The following COL6A5 variants were observed in gnomAD, a reference collection of about 807,000 sequenced individuals.
The protein encoded by COL6A5 is collagen type VI alpha 5 chain, also known as collagen alpha-5(VI) chain.
In COL6A5, 48 loss-of-function variants were observed where a neutral mutation model predicts 65.6. The observed-to-expected ratio is 0.73, with a 90% CI of 0.58 to 0.93. COL6A5 has a LOEUF of 0.93. Ranked by LOEUF, COL6A5 falls within the 40% of genes least tolerant of loss-of-function variation. COL6A5 has a pLI of 0.00. For missense variants in COL6A5, 914 were observed against 928.3 expected, an observed-to-expected ratio of 0.98 and a Z score of 0.20; for synonymous variants, 291 against 322.8, an observed-to-expected ratio of 0.90 and a Z score of 1.05.
rs898907269 is a variant in COL6A5, at chr3:130,418,855, G to A, written c.4888-14G>A. The A allele has an allele frequency of 3.9e-6, 6 of 1,548,858 alleles. No homozygotes were observed. Among genetic ancestry groups the A allele is most frequent in the Admixed American group, 2.0e-5 (1 of 50,942 alleles). On this transcript the variant is annotated splice_polypyrimidine_tract_variant and intron_variant and NMD_transcript_variant, in intron 24 of 41. Transcript: ENST00000312481. ...ATTTTACTGATCTGAAGCTCTTCTT[G>A]TCCCACTTACTAGGGAGAGCCTGGA...
chr3:130,387,505 A>G (rs1317433526), intron 5 of COL6A5, among the ~76,000 whole-genome samples: 4 of 152,090 alleles, frequency 2.6e-5, no homozygotes, highest in East Asian at 3.9e-4. Flanking sequence ...CAAGGCCACA[A>G]ACATCTTCAG....
intron 1 of COL6A5, among the ~76,000 whole-genome samples, chr3:130,362,316 ATATATATATATTTTTTTT>A (rs1253274094): frequency 0.025 from 412 of 16,380 alleles, 12 homozygotes; most frequent in Non-Finnish European, 0.031. Context: ...ATATATATAT[ATATATATATATTTTTTTT>A]TTTTTTTTTT....
At chr3:130,464,629 C>G (rs147778725) in intron 5 of COL6A5, among the ~76,000 whole-genome samples, 3 of 152,156 alleles carry the variant, frequency 2.0e-5, no homozygotes, top group African/African-American at 7.2e-5. Context: ...CACACTATGG[C>G]TGAGAACTCT....
intron 4 of COL6A5, among the ~76,000 whole-genome samples, chr3:130,446,659 G>A (rs537866578): frequency 1.3e-5 from 2 of 152,084 alleles, no homozygotes; most frequent in Admixed American, 6.5e-5. Flanking sequence ...TGACACAGAC[G>A]TCTTTTCTCT....
chr3:130,401,555 C>T (rs1936817561), intron 11 of COL6A5, among the ~76,000 whole-genome samples: 1 of 152,206 alleles, frequency 6.6e-6, no homozygotes. Context: ...AGATCATTTC[C>T]TCTGGAGAGG....
Position 130,395,079 on chromosome 3 carries a change from ACT to A in COL6A5, c.3187_3188del (p.Leu1063AspfsTer2), listed in dbSNP as rs1478209911. On this transcript the variant is annotated frameshift_variant and NMD_transcript_variant, in exon 8 of 42. Transcript: ENST00000312481. The stretch of plus-strand genomic sequence containing the variant: ...TACCAGAGTATTATTGAGTTGAAAA[ACT>A]CTCTGACTAAAACCCAGTGGAAGAC... 11 of 1,551,192 alleles carry A rather than the reference ACT, an allele frequency of 7.1e-6. No homozygotes were observed. The South Asian group carries it at 1.1e-4, about 15-fold the overall frequency.
exon 8 of COL6A5, chr3:130,484,294 TG>T: frequency 1.9e-6 from 1 of 522,346 alleles, no homozygotes; most frequent in Non-Finnish European, 3.4e-6. Context: ...TCCTGAGAAC[TG>T]GGGAAACCGA....
At chr3:130,418,840 T>C in intron 24 of COL6A5, 29 bp from the exon 25 acceptor site, 1 of 1,538,394 alleles carries the variant, frequency 6.5e-7, no homozygotes, top group Non-Finnish European at 8.8e-7. Context: ...ATTTTACTGA[T>C]CTGAAGCTCT....
chr3:130,365,141 G>T (rs1935285922), intron 1 of COL6A5, among the ~76,000 whole-genome samples: 1 of 152,212 alleles, frequency 6.6e-6, no homozygotes, highest in Non-Finnish European at 1.5e-5. Flanking sequence ...CCTAAGCCAG[G>T]TGTACTTTCC....
intron 4 of COL6A5, among the ~76,000 whole-genome samples, chr3:130,450,247 C>G (rs143508563): frequency 9.2e-4 from 140 of 152,230 alleles, no homozygotes; most frequent in Non-Finnish European, 1.0e-4. Flanking sequence ...CCCCGTTTCC[C>G]TGGTGTTGTG....
rs1366486224 is a variant in COL6A5 at position 130,388,939 on chromosome 3, C to T, written c.2221C>T (p.Gln741Ter). ...CATCCTCATCACAGATGGAGTAGCG[C>T]AGGATGATGTGAGAGATCCTGCTAG... The change falls in exon 6 of 42, where the codon CAG (glutamine) becomes TAG (stop). Residue 741 changes from glutamine to a stop codon, truncating the protein, a stop_gained and NMD_transcript_variant. Transcript: ENST00000312481. 3.2e-6 allele frequency: 5 copies of T among 1,547,812 alleles called. No homozygotes were observed. In the Admixed American group the frequency reaches 7.9e-5, roughly 25 times the overall value.
At chr3:130,410,600 G>T in intron 20 of COL6A5, 76 bp downstream of exon 20, 1 of 1,262,518 alleles carries the variant, frequency 7.9e-7, no homozygotes, top group Non-Finnish European at 1.1e-6. Context: ...TATTTGTTGT[G>T]CACAGTTGGC....
chr3:130,479,733 T>C (rs1710190551), intron 7 of COL6A5, among the ~76,000 whole-genome samples: 1 of 152,082 alleles, frequency 6.6e-6, no homozygotes, highest in African/African-American at 2.4e-5. Context: ...GAAAAGATGA[T>C]TAAAATATTT....
At chr3:130,401,488 T>A (rs955201758) in intron 11 of COL6A5, among the ~76,000 whole-genome samples, 1 of 152,134 alleles carries the variant, frequency 6.6e-6, no homozygotes, top group Non-Finnish European at 1.5e-5. Context: ...AACCAACAAG[T>A]CTTAGGCAAA....
At chr3:130,378,028 C>T (rs1258741722) in intron 3 of COL6A5, among the ~76,000 whole-genome samples, 1 of 152,144 alleles carries the variant, frequency 6.6e-6, no homozygotes, top group Admixed American at 6.6e-5. Flanking sequence ...TAAGAACTCA[C>T]AGATGGGTAA....
In COL6A5 at chr3:130,440,193, G is replaced by A. The variant is rs745951644; in HGVS notation, c.611G>A (p.Arg204Gln). ...AAATGTTTTCCAAATGCTTGCATTC[G>A]AGAGGCTTTCTTACCTGAAGATTCA... Residue 204 changes from arginine (R) to glutamine (Q), a missense_variant, in exon 3 of 8, where the codon CGA (arginine) becomes CAA (glutamine). Arg to Gln is a conservative substitution (Grantham distance 43, BLOSUM62 1). Coordinates refer to ENST00000512836, the Ensembl canonical transcript of COL6A5. 1.7e-5 allele frequency: 28 copies of A among 1,611,910 alleles called. No homozygotes were observed. In the South Asian group the frequency reaches 2.2e-4, roughly 13 times the overall value.
rs199982553 is a variant in COL6A5, at chr3:130,406,000, A to G, written c.4361A>G (p.Lys1454Arg). The change falls in exon 15 of 42, where the codon AAA becomes AGA. Residue 1454 changes from lysine to arginine, a missense_variant and NMD_transcript_variant. Physicochemically the swap from Lys to Arg is conservative, Grantham distance 26. Coordinates refer to the COL6A5 transcript ENST00000312481. ...ATATTTCATCTTTTGCAGGGACTCA[A>G]AGGATTTTCTGGACCTAAGGTACTG... 620 of 1,551,348 alleles carry G rather than the reference A, an allele frequency of 4.0e-4. No homozygotes were observed. The highest frequency in any genetic ancestry group is 5.2e-4 in the Non-Finnish European group (591 of 1,146,814).
At chr3:130,398,640 T>A (rs1468297388) in intron 10 of COL6A5, among the ~76,000 whole-genome samples, 1 of 152,128 alleles carries the variant, frequency 6.6e-6, no homozygotes, top group Admixed American at 6.5e-5. Flanking sequence ...TATATAGACA[T>A]GTGTCCTTGA....
At chr3:130,379,177 G>C (rs1014802409) in intron 3 of COL6A5, among the ~76,000 whole-genome samples, 1 of 152,012 alleles carries the variant, frequency 6.6e-6, no homozygotes, top group African/African-American at 2.4e-5. Flanking sequence ...CATGGGATGT[G>C]GTAGGGAAAT....
Sources: gnomAD v4.1 joint callset for allele counts (sites outside exome capture counted in the v4.1 genomes callset) on GRCh38, gnomAD v4.1.1 for gene constraint, MANE v1.5 for transcripts, NCBI Gene and HGNC (gene_info 2026-07-23, HGNC 2026-07-21) for gene names.